The following VPS41 variants were observed in gnomAD, a reference collection of about 807,000 sequenced individuals.
VPS41 encodes the protein VPS41 subunit of HOPS complex.
A neutral mutation model predicts 130.9 loss-of-function variants in VPS41; 85 were observed. The observed-to-expected ratio is 0.65, with a 90% confidence interval of 0.55 to 0.78. VPS41 has a LOEUF of 0.78. Among genes scored for constraint, VPS41 ranks in the 30% least tolerant of loss-of-function variants. VPS41 has a pLI of 0.00. For missense variants in VPS41, 874 were observed against 1,018.7 expected (o/e 0.86, Z 1.93); for synonymous variants, 335 against 332.9 (o/e 1.01, Z -0.07).
At chr7:38,741,904 C>G in intron 25 of VPS41, 81 bp downstream of exon 25, 1 of 1,517,060 alleles carries the variant, frequency 6.6e-7, no homozygotes. Flanking sequence ...TTAACTGATA[C>G]CTAACATAAA....
chr7:38,778,480 C>T (rs530032587), intron 10 of VPS41, among the ~76,000 whole-genome samples: 1 of 152,254 alleles, frequency 6.6e-6, no homozygotes, highest in African/African-American at 2.4e-5. Flanking sequence ...CCACAAAGGA[C>T]CCAGTGATGA....
At chr7:38,763,268 G>A (rs775417548) in intron 17 of VPS41, among the ~76,000 whole-genome samples, 187 bp downstream of exon 17, 16 of 152,002 alleles carry the variant, frequency 1.1e-4, no homozygotes, top group South Asian at 4.2e-4. Flanking sequence ...AAATGCACAC[G>A]GACTAAGTGT....
chr7:38,857,254 T>C (rs905529136), intron 4 of VPS41, among the ~76,000 whole-genome samples: 2 of 152,224 alleles, frequency 1.3e-5, no homozygotes, highest in Non-Finnish European at 2.9e-5. Flanking sequence ...TAACACAAAA[T>C]GGCCACTAAG....
At position 38,728,902 on chromosome 7, in the gene VPS41, G is replaced by C. The variant is rs1584358642; in HGVS notation, c.2260-111C>G. On this transcript the variant is annotated intron_variant, in intron 25 of 28. Coordinates refer to ENST00000310301, the MANE Select transcript of VPS41 (RefSeq NM_014396.4). ...GCTGGCATGCTTGAAATACTCAAAA[G>C]GGGCACTCACTGATTCTCTTGCCCT... 21 of 933,836 alleles carry C rather than the reference G, an allele frequency of 2.2e-5. No homozygotes were observed. In the East Asian group the frequency reaches 5.4e-4, roughly 24 times the overall value. 57.8% of individuals were successfully genotyped at this position (933,836 alleles called of 1,614,324 possible). A position where few individuals can be genotyped will look rare whatever the true frequency, so the allele number is the denominator to read the frequency against.
At chr7:38,774,049 G>A (rs896774077) in intron 12 of VPS41, 66 bp downstream of exon 12, 2 of 1,417,380 alleles carry the variant, frequency 1.4e-6, no homozygotes, top group African/African-American at 1.5e-5. Flanking sequence ...TCCATTTATT[G>A]CAAGTAGGAA....
chr7:38,785,701 G>A (rs547184927), intron 10 of VPS41, among the ~76,000 whole-genome samples: 32 of 152,258 alleles, frequency 2.1e-4, no homozygotes, highest in African/African-American at 7.2e-4. Context: ...CTACCTTGTT[G>A]CATCAACTAA....
chr7:38,905,750 T>C (rs1245701798), intron 1 of VPS41, among the ~76,000 whole-genome samples: 1 of 152,138 alleles, frequency 6.6e-6, no homozygotes, highest in Non-Finnish European at 1.5e-5. Context: ...TTCTAAAAAG[T>C]TCAATAGAAC....
At chr7:38,849,793 T>C (rs1333541854) in intron 4 of VPS41, among the ~76,000 whole-genome samples, 1 of 152,102 alleles carries the variant, frequency 6.6e-6, no homozygotes, top group Non-Finnish European at 1.5e-5. Flanking sequence ...AGGGTGGTCT[T>C]GGGAAATGCA....
chr7:38,763,980 G>C (rs1783975367), intron 16 of VPS41, among the ~76,000 whole-genome samples: 1 of 152,102 alleles, frequency 6.6e-6, no homozygotes, highest in Non-Finnish European at 1.5e-5. Flanking sequence ...AATACATCTT[G>C]TGTTCTTCAG....
intron 4 of VPS41, among the ~76,000 whole-genome samples, chr7:38,839,608 T>G (rs993671025): frequency 2.6e-5 from 4 of 151,918 alleles, no homozygotes; most frequent in African/African-American, 9.7e-5. Context: ...TTTTTGTATT[T>G]TTAGTAGAGA....
At chr7:38,820,511 A>G (rs752510593) in intron 6 of VPS41, among the ~76,000 whole-genome samples, 3 of 152,198 alleles carry the variant, frequency 2.0e-5, no homozygotes, top group Admixed American at 6.5e-5. Flanking sequence ...TCAATACTGT[A>G]TACAGTCACC....
At chr7:38,834,086 C>T (rs1785441955) in intron 4 of VPS41, among the ~76,000 whole-genome samples, 1 of 148,038 alleles carries the variant, frequency 6.8e-6, no homozygotes, top group Non-Finnish European at 1.5e-5. Flanking sequence ...TGATGAAACT[C>T]AATATCCATT....
chr7:38,879,341 A>G (rs1291671967), intron 2 of VPS41, among the ~76,000 whole-genome samples: 1 of 151,542 alleles, frequency 6.6e-6, no homozygotes, highest in Non-Finnish European at 1.5e-5. Flanking sequence ...GGCTGCATTC[A>G]CTCCTCCATT....
At chr7:38,741,857 G>C (rs1228693715) in intron 25 of VPS41, 128 bp downstream of exon 25, 1 of 1,023,222 alleles carries the variant, frequency 9.8e-7, no homozygotes, top group African/African-American at 1.6e-5. Context: ...CTAAATATCT[G>C]GGCCTAAATA....
At chr7:38,845,642 A>G (rs73123626) in intron 4 of VPS41, among the ~76,000 whole-genome samples, 15,732 of 152,278 alleles carry the variant, frequency 0.1, 1,213 homozygotes, top group African/African-American at 0.21. Flanking sequence ...TAAATTTGGC[A>G]GGTAAGACAG....
chr7:38,738,539 C>A (rs1469191114), intron 25 of VPS41, among the ~76,000 whole-genome samples: 1 of 152,068 alleles, frequency 6.6e-6, no homozygotes, highest in Non-Finnish European at 1.5e-5. Flanking sequence ...CATAAACGCT[C>A]AACAACTACA....
intron 4 of VPS41, among the ~76,000 whole-genome samples, chr7:38,833,759 A>T (rs1410631379): frequency 6.6e-6 from 1 of 152,228 alleles, no homozygotes; most frequent in Non-Finnish European, 1.5e-5. Flanking sequence ...TCAAAGAATA[A>T]AAAATTCCAA....
At chr7:38,739,551 A>G (rs1795842563) in intron 25 of VPS41, among the ~76,000 whole-genome samples, 1 of 152,242 alleles carries the variant, frequency 6.6e-6, no homozygotes, top group Non-Finnish European at 1.5e-5. Flanking sequence ...AAAAGAGCAG[A>G]AAAATATTTT....
rs551916233 is a variant in VPS41, at chr7:38,808,016, G to C, written c.450+9801C>G. On this transcript the variant is annotated intron_variant, in intron 7 of 28. Transcript: ENST00000310301. The stretch of plus-strand genomic sequence containing the variant: ...TCAGGGGAAAGCTACAATCAGTATG[G>C]AAATATATGAAAAAGTTAGCTGAAC... Among the ~76,000 whole-genome samples, 8 of 152,196 alleles carry C rather than the reference G, an allele frequency of 5.3e-5. No individual in the cohort carries two copies. The South Asian group carries it at 1.7e-3, about 32-fold the overall frequency.
Sources: allele counts gnomAD v4.1 joint callset (sites outside exome capture counted in the v4.1 genomes callset), GRCh38; gene constraint gnomAD v4.1.1; transcripts MANE v1.5; gene names NCBI Gene and HGNC (gene_info 2026-07-23, HGNC 2026-07-21).